Variants in TLN2 observed in about 807,000 individuals in gnomAD.
TLN2 encodes the protein talin-2.
A neutral mutation model predicts 294.7 loss-of-function variants in TLN2; 118 were observed. That is an observed-to-expected ratio of 0.40 (90% CI 0.34 to 0.47). TLN2 has a LOEUF of 0.47. Among genes scored for constraint, TLN2 ranks in the 20% least tolerant of loss-of-function variants. The pLI is 0.84. For missense variants in TLN2, 3,083 were observed against 3,282.2 expected, an observed-to-expected ratio of 0.94 and a Z score of 1.48; for synonymous variants, 1,431 against 1,304.5, an observed-to-expected ratio of 1.10 and a Z score of -2.09.
intron 33 of TLN2, 98 bp downstream of exon 33, chr15:62,748,542 C>A: frequency 1.0e-6 from 1 of 1,003,092 alleles, no homozygotes; most frequent in Non-Finnish European, 1.5e-6. Flanking sequence ...TGTTCTTTCC[C>A]TATAGGGCTA....
intron 1 of TLN2, among the ~76,000 whole-genome samples, chr15:62,400,963 G>A (rs1481555328): frequency 6.6e-6 from 1 of 151,972 alleles, no homozygotes; most frequent in Non-Finnish European, 1.5e-5. Context: ...TTACAGCCAT[G>A]TACCACCATG....
At chr15:62,716,537 A>AG in intron 23 of TLN2, 78 bp downstream of exon 23, 4 of 1,489,860 alleles carry the variant, frequency 2.7e-6, no homozygotes, top group Non-Finnish European at 3.6e-6. Flanking sequence ...TGAATTAACA[A>AG]GGTGTTGACA....
chr15:62,420,718 G>C (rs143746421), intron 1 of TLN2, among the ~76,000 whole-genome samples: 2 of 152,200 alleles, frequency 1.3e-5, no homozygotes, highest in African/African-American at 4.8e-5. Flanking sequence ...GCCTTTCCTG[G>C]GCCTTAAAGC....
chr15:62,802,191 T>C (rs1370233845), intron 50 of TLN2, among the ~76,000 whole-genome samples: 4 of 152,142 alleles, frequency 2.6e-5, no homozygotes, highest in Admixed American at 2.0e-4. Flanking sequence ...TAATTTTTTC[T>C]GTCACAAATA....
At chr15:62,539,956 G>C (rs1254989774) in intron 1 of TLN2, among the ~76,000 whole-genome samples, 2 of 150,216 alleles carry the variant, frequency 1.3e-5, no homozygotes, top group African/African-American at 2.4e-5. Context: ...ACCTCCAACT[G>C]CTCATTTTGC....
At chr15:62,792,905 C>T in intron 46 of TLN2, 118 bp downstream of exon 46, 15 of 1,471,416 alleles carry the variant, frequency 1.0e-5, no homozygotes, top group Non-Finnish European at 1.4e-5. Context: ...ACTCAGCTGT[C>T]TCATCCCGAT....
chr15:62,772,489 C>G lies in TLN2; in HGVS notation c.5367+1355C>G, dbSNP rs545762729. On this transcript the variant is annotated intron_variant, in intron 42 of 58. Transcript: ENST00000636159. ...GGGTGCCCTGCAGTCGTGCCAGCCC[C>G]CTTTGCACCCTCAAAGGGGTGCCTC... Among the ~76,000 whole-genome samples, 7 of 152,186 alleles carry G rather than the reference C, an allele frequency of 4.6e-5. No homozygotes were observed. The East Asian group carries it at 9.7e-4, about 21-fold the overall frequency.
intron 36 of TLN2, chr15:62,755,233 C>A: frequency 3.6e-6 from 1 of 276,298 alleles, no homozygotes; most frequent in Admixed American, 5.0e-5. Context: ...TACCCTGGAC[C>A]TCCTATCTGG....
chr15:62,471,898 G>A (rs1022350739), intron 1 of TLN2, among the ~76,000 whole-genome samples: 1 of 152,168 alleles, frequency 6.6e-6, no homozygotes, highest in African/African-American at 2.4e-5. Context: ...GGGGGGCAGA[G>A]GCAGAGGGAT....
intron 1 of TLN2, among the ~76,000 whole-genome samples, chr15:62,482,766 A>G (rs1366744981): frequency 1.3e-5 from 2 of 152,158 alleles, no homozygotes; most frequent in African/African-American, 2.4e-5. Context: ...GAGAATTCAC[A>G]GGGCTTCAAA....
intron 1 of TLN2, among the ~76,000 whole-genome samples, chr15:62,425,240 A>G (rs1168409165): frequency 6.6e-6 from 1 of 152,152 alleles, no homozygotes; most frequent in Non-Finnish European, 1.5e-5. Context: ...GGTTTGAGCC[A>G]CTGTACCCAG....
intron 2 of TLN2, among the ~76,000 whole-genome samples, chr15:62,609,800 T>G (rs1393874229): frequency 6.6e-6 from 1 of 152,230 alleles, no homozygotes; most frequent in Non-Finnish European, 1.5e-5. Context: ...CCTTTGAAAC[T>G]ATGTAGCTAT....
chr15:62,746,125 A>G (rs1208815106), intron 32 of TLN2, among the ~76,000 whole-genome samples: 1 of 151,578 alleles, frequency 6.6e-6, no homozygotes, highest in African/African-American at 2.4e-5. Flanking sequence ...CTTAGTTTTC[A>G]ATGGAAGAAA....
At chr15:62,479,433 C>T (rs749336365) in intron 1 of TLN2, among the ~76,000 whole-genome samples, 4 of 152,196 alleles carry the variant, frequency 2.6e-5, no homozygotes, top group Non-Finnish European at 5.9e-5. Context: ...CTGATCCCCT[C>T]TAATCAAGCA....
At chr15:62,702,295 C>T (rs959258938) in intron 18 of TLN2, 95 bp downstream of exon 18, 7 of 1,325,056 alleles carry the variant, frequency 5.3e-6, no homozygotes, top group African/African-American at 4.4e-5. Flanking sequence ...CTGTTCCTTG[C>T]GTCTTGATGG....
chr15:62,524,958 A>G (rs768962082), intron 1 of TLN2, among the ~76,000 whole-genome samples: 7 of 152,222 alleles, frequency 4.6e-5, no homozygotes, highest in Non-Finnish European at 8.8e-5. Context: ...AGAATGATTT[A>G]CCTTGAGTCA....
chr15:62,792,876 G>C (rs1008356909), intron 46 of TLN2, 89 bp downstream of exon 46: 2 of 1,549,424 alleles, frequency 1.3e-6, no homozygotes, highest in Admixed American at 2.1e-5. Flanking sequence ...AGGAAACTCA[G>C]CCAAAACTAA....
intron 1 of TLN2, among the ~76,000 whole-genome samples, chr15:62,424,023 G>C (rs979358141): frequency 6.6e-6 from 1 of 152,154 alleles, no homozygotes; most frequent in African/African-American, 2.4e-5. Flanking sequence ...TTAGACATTA[G>C]AGCTCTGCAC....
At chr15:62,692,802 C>T in intron 12 of TLN2, 38 bp from the exon 13 acceptor site, 1 of 1,540,760 alleles carries the variant, frequency 6.5e-7, no homozygotes, top group Non-Finnish European at 9.0e-7. Context: ...GCTGATATAT[C>T]TGATTTGGCT....
Sources: allele counts gnomAD v4.1 joint callset (sites outside exome capture counted in the v4.1 genomes callset), GRCh38; gene constraint gnomAD v4.1.1; transcripts MANE v1.5; gene names NCBI Gene and HGNC (gene_info 2026-07-23, HGNC 2026-07-21).